The following FLT3 variants were observed in gnomAD, a reference collection of about 807,000 sequenced individuals.
FLT3 encodes fms related receptor tyrosine kinase 3.
FLT3 carries 46 observed loss-of-function variants against 126.6 expected under a neutral mutation model. The observed-to-expected ratio is 0.36, with a 90% CI of 0.29 to 0.46. FLT3 has a LOEUF of 0.46. Ranked by LOEUF, FLT3 falls within the 20% of genes least tolerant of loss-of-function variation. FLT3 has a pLI of 1.00. For missense variants in FLT3, 1,069 were observed against 1,190.3 expected, an observed-to-expected ratio of 0.90 and a Z score of 1.50; for synonymous variants, 404 against 434.4, an observed-to-expected ratio of 0.93 and a Z score of 0.87.
rs1028575985 is a variant in FLT3, at chr13:28,073,710, G to C, written c.44-3098C>G. 7.9e-5 allele frequency among the ~76,000 whole-genome samples: 12 copies of C among 151,992 alleles called. No homozygotes were observed. In the South Asian group the frequency reaches 1.5e-3, roughly 18 times the overall value. ...GCGCTTTGGGAGGCCAAGGTGGGAG[G>C]ATCACTTGAGACCAGGAGTTAGAGA... On this transcript the variant is annotated intron_variant, in intron 1 of 23. Transcript: ENST00000241453.
At chr13:28,036,820 T>C (rs1361507751) in intron 10 of FLT3, among the ~76,000 whole-genome samples, 4 of 151,984 alleles carry the variant, frequency 2.6e-5, no homozygotes, top group African/African-American at 9.7e-5. Context: ...TCTACAAAAA[T>C]GGTTTTAAAA....
At chr13:28,070,161 T>C (rs1877378003) in intron 2 of FLT3, among the ~76,000 whole-genome samples, 2 of 152,216 alleles carry the variant, frequency 1.3e-5, no homozygotes, top group Non-Finnish European at 2.9e-5. Context: ...CAAGCCATTT[T>C]ATATCAGGTA....
At chr13:28,087,225 A>G (rs1878733442) in intron 1 of FLT3, among the ~76,000 whole-genome samples, 1 of 151,844 alleles carries the variant, frequency 6.6e-6, no homozygotes, top group Admixed American at 6.6e-5. Flanking sequence ...ACACACCATC[A>G]TGCCTGGCCA....
chr13:28,013,382 C>T (rs1028018285), intron 23 of FLT3, among the ~76,000 whole-genome samples: 16 of 152,230 alleles, frequency 1.1e-4, no homozygotes, highest in Admixed American at 3.9e-4. Flanking sequence ...CTTCTTACAA[C>T]TCCATGAGGT....
At chr13:28,087,870 G>A (rs12430855) in intron 1 of FLT3, among the ~76,000 whole-genome samples, 25,570 of 152,066 alleles carry the variant, frequency 0.17, 2,371 homozygotes, top group Middle Eastern at 0.27. Flanking sequence ...TGTTATATTT[G>A]CTATGTCTCT....
chr13:28,063,014 A>G (rs192010786), intron 2 of FLT3, among the ~76,000 whole-genome samples: 98 of 152,272 alleles, frequency 6.4e-4, no homozygotes, highest in African/African-American at 2.2e-3. Flanking sequence ...CCGTAATTAT[A>G]AAATCTATAA....
chr13:28,067,180 G>A (rs529665902), intron 2 of FLT3, among the ~76,000 whole-genome samples: 8 of 63,922 alleles, frequency 1.3e-4, no homozygotes, highest in Non-Finnish European at 1.8e-4. Context: ...GCGCCACCAC[G>A]CCTGGTTTAT....
In FLT3 at chr13:28,090,071, G is replaced by A. The variant is rs1878935358; in HGVS notation, c.43+10397C>T. Reference sequence around the variant, plus strand: ...GGAACTTTTTTTTTAGATGGAGTCTGTCTCTGTCACCCAGGGTGAAGTGTG... The same window carrying A: ...GGAACTTTTTTTTTAGATGGAGTCTATCTCTGTCACCCAGGGTGAAGTGTG... On this transcript the variant is annotated intron_variant, in intron 1 of 23. Transcript: ENST00000241453. 2.0e-5 allele frequency among the ~76,000 whole-genome samples: 3 copies of A among 150,854 alleles called. No individual in the cohort carries two copies. In the South Asian group the frequency reaches 6.3e-4, roughly 32 times the overall value.
intron 1 of FLT3, among the ~76,000 whole-genome samples, chr13:28,077,168 T>A (rs973184191): frequency 1.8e-4 from 27 of 151,968 alleles, no homozygotes; most frequent in Non-Finnish European, 2.8e-4. Context: ...AGAGTTTTAT[T>A]TGGCTCACAG....
chr13:28,022,600 G>GGAAGTGGAGGAGAA (rs1159557227), intron 19 of FLT3, among the ~76,000 whole-genome samples: 1 of 152,070 alleles, frequency 6.6e-6, no homozygotes, highest in East Asian at 1.9e-4. Context: ...GCAAGGGGAA[G>GGAAGTGGAGGAGAA]GAAGTGGAGG....
intron 1 of FLT3, among the ~76,000 whole-genome samples, chr13:28,092,545 C>T (rs565251034): frequency 1.3e-5 from 2 of 152,070 alleles, no homozygotes; most frequent in African/African-American, 4.8e-5. Context: ...ATTTTGACTA[C>T]TTGATAATTC....
At chr13:28,052,496 AGGCC>A in intron 5 of FLT3, 45 bp downstream of exon 5, 1 of 1,541,216 alleles carries the variant, frequency 6.5e-7, no homozygotes. Flanking sequence ...CATTAGAAAA[AGGCC>A]AAAAGGAAAT....
intron 2 of FLT3, among the ~76,000 whole-genome samples, chr13:28,066,553 T>C (rs2152999): frequency 0.94 from 142,423 of 152,082 alleles, 67,361 homozygotes; most frequent in Non-Finnish European, 1. Context: ...AAGTAGTTCC[T>C]AATGGCCAAA....
intron 17 of FLT3, among the ~76,000 whole-genome samples, chr13:28,026,443 A>G (rs1298360169): frequency 6.6e-6 from 1 of 152,120 alleles, no homozygotes; most frequent in Non-Finnish European, 1.5e-5. Context: ...AAGGTGCTAC[A>G]AAGCCATGAT....
At position 28,050,199 on chromosome 13, in the gene FLT3, A is replaced by G; in HGVS notation, c.638T>C (p.Val213Ala). 6.2e-7 allele frequency: 1 copy of G among 1,614,100 alleles called. No homozygotes were observed. ...AAGCACTTTTTCCTCCTTTTTAACA[A>G]CAGCTGGACTTTCTTCTTTACAGCT... ...GESCKEESPA[V>A]VKKEEKVLHE... The change falls in exon 6 of 24, where the codon GTT (valine) becomes GCT (alanine). Residue 213 changes from valine (V) to alanine (A), a missense_variant. By Grantham distance (64) the Val-to-Ala change is moderately conservative. Transcript: ENST00000241453.
intron 15 of FLT3, among the ~76,000 whole-genome samples, chr13:28,033,271 G>C (rs905189184): frequency 6.7e-6 from 1 of 150,110 alleles, no homozygotes; most frequent in Admixed American, 6.7e-5. Context: ...ACTCTAGCCT[G>C]GGTAACAGAG....
In FLT3 at chr13:28,049,801, G is replaced by GA. The variant is rs67491524; in HGVS notation, c.743-28dup. On this transcript the variant is annotated intron_variant, in intron 6 of 23. Transcript: ENST00000241453. ...TAGGAGATGAAAACATCCCAAGTGA[G>GA]AAAAAAAAAGTGATTTTTGCCTCAT... 0.18 allele frequency: 287,134 copies of GA among 1,569,580 alleles called. 24,631 individuals are homozygous for GA. Among genetic ancestry groups the GA allele is most frequent in the Middle Eastern group, 0.24 (1,403 of 5,826 alleles).
intron 1 of FLT3, among the ~76,000 whole-genome samples, chr13:28,095,968 T>C (rs1247789995): frequency 1.3e-5 from 2 of 152,338 alleles, no homozygotes; most frequent in Non-Finnish European, 2.9e-5. Context: ...AAGATGACCA[T>C]ATTTAGCTTT....
chr13:28,046,603 A>AT (rs1332115909), intron 9 of FLT3, among the ~76,000 whole-genome samples: 2 of 152,054 alleles, frequency 1.3e-5, no homozygotes, highest in Non-Finnish European at 2.9e-5. Context: ...TTTTATTATT[A>AT]TTTTTTCTTT....
Sources: gnomAD v4.1 joint callset for allele counts (sites outside exome capture counted in the v4.1 genomes callset) on GRCh38, gnomAD v4.1.1 for gene constraint, MANE v1.5 for transcripts, NCBI Gene and HGNC (gene_info 2026-07-23, HGNC 2026-07-21) for gene names.